The following PPP4R3B variants were observed in gnomAD, a reference collection of about 807,000 sequenced individuals.
The protein encoded by PPP4R3B is serine/threonine-protein phosphatase 4 regulatory subunit 3B.
Under a neutral mutation model 95.4 loss-of-function variants are expected in PPP4R3B, and 52 were observed. The observed-to-expected ratio is 0.54, with a 90% CI of 0.44 to 0.69. PPP4R3B has a LOEUF of 0.69. Among genes scored for constraint, PPP4R3B ranks in the 30% least tolerant of loss-of-function variants. The pLI, the probability that PPP4R3B is intolerant of heterozygous loss-of-function variation, is 0.00. For synonymous variants in PPP4R3B, 407 were observed against 343.9 expected, an observed-to-expected ratio of 1.18 and a Z score of -2.03; for missense variants, 1,003 against 1,005.9, an observed-to-expected ratio of 1.00 and a Z score of 0.04.
chr2:55,615,785 G>A (rs1191611603), intron 1 of PPP4R3B, among the ~76,000 whole-genome samples: 3 of 144,336 alleles, frequency 2.1e-5, no homozygotes, highest in Non-Finnish European at 3.0e-5. Flanking sequence ...GAGAGGGAGA[G>A]GAGGCAGAGG....
chr2:55,567,635 C>T (rs921920436), intron 13 of PPP4R3B, among the ~76,000 whole-genome samples: 1 of 152,184 alleles, frequency 6.6e-6, no homozygotes, highest in Non-Finnish European at 1.5e-5. Context: ...AGGCTGGTCA[C>T]GAACTCCTGA....
In PPP4R3B at chr2:55,586,536, TTATTA is replaced by T. The variant is rs1310900531; in HGVS notation, c.1116+77_1116+81del. 1.1e-5 allele frequency: 8 copies of T among 735,396 alleles called. No individual in the cohort carries two copies. The Admixed American group carries it at 1.2e-4, about 11-fold the overall frequency. 45.6% of individuals were successfully genotyped at this position (735,396 alleles called of 1,614,324 possible). On this transcript the variant is annotated intron_variant, in intron 6 of 16. Transcript: ENST00000616407. ...GCTAAACTATAGAATTGAATATACATTATTATATATTTTCCCATCCATAACATAAG... is the reference window on the plus strand; with the variant it reads ...GCTAAACTATAGAATTGAATATACATTATATTTTCCCATCCATAACATAAG...
chr2:55,563,898 A>G (rs1037906517), intron 15 of PPP4R3B, among the ~76,000 whole-genome samples: 4 of 152,190 alleles, frequency 2.6e-5, no homozygotes, highest in African/African-American at 9.6e-5. Flanking sequence ...TGTAATTTTA[A>G]AATTTCAAAG....
At chr2:55,575,644 C>T (rs895489125) in intron 11 of PPP4R3B, among the ~76,000 whole-genome samples, 1 of 151,804 alleles carries the variant, frequency 6.6e-6, no homozygotes, top group African/African-American at 2.4e-5. Flanking sequence ...CACTATGTTG[C>T]CCAGGCTGGT....
intron 16 of PPP4R3B, among the ~76,000 whole-genome samples, chr2:55,556,986 C>G (rs1243892647): frequency 6.6e-6 from 1 of 152,132 alleles, no homozygotes; most frequent in East Asian, 1.9e-4. Flanking sequence ...TCAGTTGAGC[C>G]CAGGAGGTGG....
At chr2:55,577,556 T>C (rs1025646092) in intron 10 of PPP4R3B, among the ~76,000 whole-genome samples, 200 bp from the exon 11 acceptor site, 5 of 152,122 alleles carry the variant, frequency 3.3e-5, no homozygotes, top group African/African-American at 9.7e-5. Context: ...TGTGGAATTA[T>C]TAAAAGACAA....
intron 8 of PPP4R3B, 82 bp downstream of exon 8, chr2:55,581,481 TAAAA>T: frequency 7.1e-7 from 1 of 1,399,846 alleles, no homozygotes; most frequent in Non-Finnish European, 9.7e-7. Context: ...GACAAATACT[TAAAA>T]TACTTGTTTC....
At chr2:55,610,512 C>A (rs1335396814) in intron 2 of PPP4R3B, among the ~76,000 whole-genome samples, 1 of 152,152 alleles carries the variant, frequency 6.6e-6, no homozygotes, top group Non-Finnish European at 1.5e-5. Context: ...CTACCACCAC[C>A]AAGAATGAAG....
intron 1 of PPP4R3B, among the ~76,000 whole-genome samples, chr2:55,616,200 G>A (rs1022901952): frequency 9.9e-5 from 15 of 151,884 alleles, no homozygotes; most frequent in Non-Finnish European, 2.1e-4. Flanking sequence ...AACAAATAAT[G>A]CAAATTACAA....
chr2:55,599,353 G>C (rs1372215344), intron 3 of PPP4R3B, among the ~76,000 whole-genome samples: 1 of 152,130 alleles, frequency 6.6e-6, no homozygotes, highest in East Asian at 1.9e-4. Context: ...CAGGAGAATC[G>C]CTTGAACCTG....
chr2:55,578,471 A>G, intron 9 of PPP4R3B, 129 bp from the exon 10 acceptor site: 1 of 942,410 alleles, frequency 1.1e-6, no homozygotes, highest in Non-Finnish European at 1.4e-6. Context: ...AAAATGCATT[A>G]TTTTCATTTA....
chr2:55,612,194 G>C (rs1375408386), intron 2 of PPP4R3B, among the ~76,000 whole-genome samples: 1 of 152,142 alleles, frequency 6.6e-6, no homozygotes, highest in African/African-American at 2.4e-5. Flanking sequence ...TTGAGCCTAG[G>C]AGTTCAAGCT....
intron 15 of PPP4R3B, among the ~76,000 whole-genome samples, chr2:55,560,963 G>A (rs566377445): frequency 3.1e-4 from 47 of 152,272 alleles, no homozygotes; most frequent in African/African-American, 1.1e-3. Context: ...CCCATTTTCT[G>A]GGGAGAAATT....
chr2:55,593,069 A>G (rs1165610173), intron 4 of PPP4R3B, among the ~76,000 whole-genome samples: 2 of 152,164 alleles, frequency 1.3e-5, no homozygotes, highest in Non-Finnish European at 2.9e-5. Context: ...GAGGCTTGAG[A>G]ATCACTTTAA....
chr2:55,586,798 C>A, intron 5 of PPP4R3B, 64 bp from the exon 6 acceptor site: 1 of 940,888 alleles, frequency 1.1e-6, no homozygotes, highest in Admixed American at 2.1e-5. Context: ...CTATAGTAAT[C>A]ATCTACCATG....
rs565061800 is a variant in PPP4R3B at position 55,567,466 on chromosome 2, G to GA, written c.1935+727dup. Among the ~76,000 whole-genome samples the GA allele has an allele frequency of 2.6e-3, 399 of 152,128 alleles. 8 individuals carry two copies. Among genetic ancestry groups the GA allele is most frequent in the Admixed American group, 0.023 (355 of 15,268 alleles). On this transcript the variant is annotated intron_variant, in intron 13 of 16. Transcript: ENST00000616407. Reference sequence around the variant, plus strand: ...GAGTCTTGCTCTGTCACCCAGGCTGGAATGAAGTGATGCAATCTTGGCTCA... The same window carrying GA: ...GAGTCTTGCTCTGTCACCCAGGCTGGAAATGAAGTGATGCAATCTTGGCTCA...
At chr2:55,598,153 T>C (rs1428389106) in intron 4 of PPP4R3B, among the ~76,000 whole-genome samples, 3 of 151,908 alleles carry the variant, frequency 2.0e-5, no homozygotes, top group Admixed American at 6.6e-5. Flanking sequence ...CCGGGAAGCG[T>C]AGGTTGCAGT....
At chr2:55,578,701 C>G (rs1426577886) in intron 9 of PPP4R3B, among the ~76,000 whole-genome samples, 1 of 152,018 alleles carries the variant, frequency 6.6e-6, no homozygotes, top group South Asian at 2.1e-4. Flanking sequence ...CAAACATTCC[C>G]TAGAGTATAT....
chr2:55,615,265 GA>G (rs1694732867), intron 2 of PPP4R3B, 185 bp downstream of exon 2: 1 of 547,220 alleles, frequency 1.8e-6, no homozygotes, highest in African/African-American at 1.9e-5. Flanking sequence ...ATCCAAAAAT[GA>G]TAATTATCAC....
Sources: allele counts gnomAD v4.1 joint callset (sites outside exome capture counted in the v4.1 genomes callset), GRCh38; gene constraint gnomAD v4.1.1; transcripts MANE v1.5; gene names NCBI Gene and HGNC (gene_info 2026-07-23, HGNC 2026-07-21).